EYS: variants seen among roughly 807,000 people sequenced by gnomAD.
The protein encoded by EYS is protein eyes shut homolog.
In EYS, 250 loss-of-function variants were observed where a neutral mutation model predicts 282.1. That is an observed-to-expected ratio of 0.89 (90% CI 0.80 to 0.98). The LOEUF is 0.98. Among genes scored for constraint, EYS ranks in the 50% least tolerant of loss-of-function variants. The pLI, the probability that EYS is intolerant of heterozygous loss-of-function variation, is 0.00. For synonymous variants in EYS, 1,355 were observed against 1,282.9 expected, an observed-to-expected ratio of 1.06 and a Z score of -1.20; for missense variants, 4,016 against 3,709.0, an observed-to-expected ratio of 1.08 and a Z score of -2.15.
At chr6:64,714,578 T>C (rs1455939098) in intron 22 of EYS, among the ~76,000 whole-genome samples, 2 of 146,700 alleles carry the variant, frequency 1.4e-5, no homozygotes, top group Non-Finnish European at 3.0e-5. Context: ...CAGGCTGGAG[T>C]GCAGTGGCGC....
chr6:65,097,294 G>C (rs371398351), intron 12 of EYS, among the ~76,000 whole-genome samples: 1 of 150,868 alleles, frequency 6.6e-6, no homozygotes, highest in Non-Finnish European at 1.5e-5. Flanking sequence ...ACCACTATGA[G>C]TAATTAATCG....
chr6:64,763,141 A>G (rs1488550765), intron 22 of EYS, among the ~76,000 whole-genome samples: 1 of 152,218 alleles, frequency 6.6e-6, no homozygotes, highest in African/African-American at 2.4e-5. Context: ...GTTAAATATT[A>G]CCACAGGAAT....
chr6:64,630,893 T>C (rs1305191271), intron 22 of EYS, among the ~76,000 whole-genome samples: 1 of 152,216 alleles, frequency 6.6e-6, no homozygotes, highest in Admixed American at 6.5e-5. Flanking sequence ...ATTTATAACA[T>C]GGGGAAATTG....
At position 64,520,446 on chromosome 6, in the gene EYS, A is replaced by G. The variant is rs151168628; in HGVS notation, c.5644+69777T>C. Among the ~76,000 whole-genome samples, 365 of 151,808 alleles carry G rather than the reference A, an allele frequency of 2.4e-3. 1 individual carries two copies. The highest frequency in any genetic ancestry group is 8.4e-3 in the African/African-American group (348 of 41,460). On this transcript the variant is annotated intron_variant, in intron 26 of 42. Transcript: ENST00000503581. ...CAAAAATAAAATAATCCAGCCAAGC[A>G]TTTTTTCCCATTATAGACTTCTTCT...
At chr6:65,615,875 A>C (rs1582522083) in intron 2 of EYS, among the ~76,000 whole-genome samples, 1 of 152,000 alleles carries the variant, frequency 6.6e-6, no homozygotes, top group Non-Finnish European at 1.5e-5. Flanking sequence ...CGGAGCATGC[A>C]GTGAGCTGAG....
chr6:64,176,215 T>G (rs1764629903), intron 31 of EYS, among the ~76,000 whole-genome samples: 1 of 152,066 alleles, frequency 6.6e-6, no homozygotes, highest in South Asian at 2.1e-4. Flanking sequence ...CTTAGAGGAC[T>G]GTGCAAATAT....
intron 36 of EYS, among the ~76,000 whole-genome samples, chr6:63,815,009 C>T (rs1306758372): frequency 6.6e-6 from 1 of 152,114 alleles, no homozygotes; most frequent in African/African-American, 2.4e-5. Flanking sequence ...TCATGAATTT[C>T]TTCATGCCCG....
intron 8 of EYS, among the ~76,000 whole-genome samples, chr6:65,372,396 T>A (rs761860131): frequency 1.6e-4 from 24 of 152,104 alleles, no homozygotes; most frequent in Admixed American, 2.6e-4. Flanking sequence ...ACTGAAACTC[T>A]AAGGAAAAGA....
At chr6:63,783,163 C>T (rs1770278902) in intron 39 of EYS, among the ~76,000 whole-genome samples, 1 of 152,156 alleles carries the variant, frequency 6.6e-6, no homozygotes, top group Non-Finnish European at 1.5e-5. Context: ...CTGAATCTAT[C>T]TCATGTCCAC....
intron 31 of EYS, among the ~76,000 whole-genome samples, chr6:64,105,374 C>T (rs78090024): frequency 0.042 from 6,409 of 152,052 alleles, 397 homozygotes; most frequent in African/African-American, 0.14. Context: ...ACTTCCTGTC[C>T]CTACACATGT....
intron 19 of EYS, among the ~76,000 whole-genome samples, chr6:64,864,774 G>A (rs189431470): frequency 1.8e-4 from 27 of 151,864 alleles, no homozygotes; most frequent in African/African-American, 5.8e-4. Flanking sequence ...AGTGGCTCAC[G>A]TCTGTAATCC....
At chr6:63,731,751 T>TTAATTTTTCAAATAATTTCAAAAATATTA (rs1405086486) in intron 41 of EYS, among the ~76,000 whole-genome samples, 1 of 152,228 alleles carries the variant, frequency 6.6e-6, no homozygotes, top group Non-Finnish European at 1.5e-5. Context: ...AGATAGCTAA[T>TTAATTTTTCAAATAATTTCAAAAATATTA]ATTTTTCAAA....
rs181284381 is a variant in EYS at position 65,618,679 on chromosome 6, G to A, written c.-333+21099C>T. Among the ~76,000 whole-genome samples the A allele has an allele frequency of 3.2e-3, 490 of 152,210 alleles. 6 individuals carry two copies. The highest frequency in any genetic ancestry group is 0.011 in the African/African-American group (470 of 41,512). On this transcript the variant is annotated intron_variant, in intron 2 of 42. Transcript: ENST00000503581. Reference sequence around the variant, plus strand: ...CTAGGTTTTCTTCTAGGGTTTTTACGGTTTTAGGTCTAATGTATAAGTCTT... The same window carrying A: ...CTAGGTTTTCTTCTAGGGTTTTTACAGTTTTAGGTCTAATGTATAAGTCTT...
rs771556549 is a variant in EYS at position 65,451,553 on chromosome 6, C to A, written c.862+39041G>T. Among the ~76,000 whole-genome samples, 40 of 151,960 alleles carry A rather than the reference C, an allele frequency of 2.6e-4. 3 individuals carry two copies. Among genetic ancestry groups the A allele is most frequent in the Non-Finnish European group, 1.5e-5 (1 of 67,932 alleles). The stretch of plus-strand genomic sequence containing the variant: ...TAGGGATATACAGTATTGTCAAATA[C>A]TTTAGGGATACATAGTACTTTAGAG... On this transcript the variant is annotated intron_variant, in intron 5 of 42. Transcript: ENST00000503581.
At chr6:63,784,027 T>C (rs1455598737) in intron 39 of EYS, among the ~76,000 whole-genome samples, 1 of 152,190 alleles carries the variant, frequency 6.6e-6, no homozygotes, top group Non-Finnish European at 1.5e-5. Context: ...CCTGATTACT[T>C]GAGCTGGGAC....
At chr6:64,837,449 T>C (rs865976625) in intron 19 of EYS, among the ~76,000 whole-genome samples, 2 of 151,338 alleles carry the variant, frequency 1.3e-5, no homozygotes, top group South Asian at 4.1e-4. Context: ...TCACCACTTC[T>C]ATTCAAAATA....
intron 30 of EYS, among the ~76,000 whole-genome samples, chr6:64,260,100 G>C (rs935044486): frequency 6.6e-6 from 1 of 151,762 alleles, no homozygotes; most frequent in Non-Finnish European, 1.5e-5. Context: ...GAAGTAATAT[G>C]TGAAATGCTG....
At chr6:64,718,641 T>C (rs1316853621) in intron 22 of EYS, among the ~76,000 whole-genome samples, 1 of 152,236 alleles carries the variant, frequency 6.6e-6, no homozygotes, top group African/African-American at 2.4e-5. Context: ...GGAATACATA[T>C]GCCTCACAGC....
rs556394896 is a variant in EYS at position 65,450,089 on chromosome 6, A to G, written c.862+40505T>C. On this transcript the variant is annotated intron_variant, in intron 5 of 42. Coordinates refer to ENST00000503581, the MANE Select transcript of EYS (RefSeq NM_001142800.2). ...AGATATGTGTCTAAATTTTACACTT[A>G]TTTTAACATTGCATGTCTAATTCTG... is the stretch of plus-strand genomic sequence containing the variant. Among the ~76,000 whole-genome samples, 9 of 152,266 alleles carry G rather than the reference A, an allele frequency of 5.9e-5. No individual in the cohort carries two copies. In the South Asian group the frequency reaches 1.4e-3, roughly 25 times the overall value.
Sources: gnomAD v4.1 joint callset for allele counts (sites outside exome capture counted in the v4.1 genomes callset) on GRCh38, gnomAD v4.1.1 for gene constraint, MANE v1.5 for transcripts, NCBI Gene and HGNC (gene_info 2026-07-23, HGNC 2026-07-21) for gene names.